UBAC2: variants seen among roughly 807,000 people sequenced by gnomAD.
UBAC2 encodes ubiquitin-associated domain-containing protein 2.
UBAC2 carries 26 observed loss-of-function variants against 44.0 expected under a neutral mutation model. The ratio of observed to expected loss-of-function variants is 0.59; its 90% CI spans 0.43 to 0.82. The LOEUF is 0.82. Ranked by LOEUF, UBAC2 falls within the 40% of genes least tolerant of loss-of-function variation. The pLI, the probability that UBAC2 is intolerant of heterozygous loss-of-function variation, is 0.00. For missense variants in UBAC2, 329 were observed against 419.4 expected (o/e 0.78, Z 1.88); for synonymous variants, 155 against 154.3 (o/e 1.00, Z -0.04).
intron 8 of UBAC2, among the ~76,000 whole-genome samples, chr13:99,368,890 C>A (rs1336603534): frequency 6.6e-6 from 1 of 152,024 alleles, no homozygotes; most frequent in African/African-American, 2.4e-5. Flanking sequence ...AGGGAACGTA[C>A]AGGATAGCCC....
Position 99,314,308 on chromosome 13 carries a change from A to C in UBAC2, c.513+88A>C, listed in dbSNP as rs1017640062. 9 of 1,422,268 alleles carry C rather than the reference A, an allele frequency of 6.3e-6. No individual in the cohort carries two copies. The African/African-American group carries it at 1.4e-4, about 22-fold the overall frequency. 88.1% of individuals were successfully genotyped at this position (1,422,268 alleles called of 1,614,324 possible). A position where few individuals can be genotyped will look rare whatever the true frequency, so the allele number is the denominator to read the frequency against. On this transcript the variant is annotated intron_variant, in intron 5 of 8. Transcript: ENST00000403766. The stretch of plus-strand genomic sequence containing the variant: ...TCTTTTTCTCATTTGATCTCCTTGA[A>C]AACAATGGTTTTTTTCCCCCCATAA...
intron 6 of UBAC2, among the ~76,000 whole-genome samples, chr13:99,331,776 CT>C (rs749818477): frequency 6.6e-6 from 1 of 152,204 alleles, no homozygotes; most frequent in Non-Finnish European, 1.5e-5. Flanking sequence ...ACAAAGTTCC[CT>C]TATGCTTTCT....
chr13:99,255,721 G>A, intron 4 of UBAC2: 4 of 1,613,968 alleles, frequency 2.5e-6, no homozygotes, highest in Non-Finnish European at 1.7e-6. Context: ...TCTCTTCTTG[G>A]TGGTACAACT....
At chr13:99,314,323 T>G in intron 5 of UBAC2, 103 bp downstream of exon 5, 1 of 1,353,732 alleles carries the variant, frequency 7.4e-7, no homozygotes. Flanking sequence ...ATGGTTTTTT[T>G]CCCCCCATAA....
At chr13:99,259,790 T>G (rs989140294) in intron 4 of UBAC2, among the ~76,000 whole-genome samples, 2 of 152,254 alleles carry the variant, frequency 1.3e-5, no homozygotes, top group Admixed American at 1.3e-4. Context: ...AATTAAGTAT[T>G]GATTAGCTTC....
At chr13:99,329,863 A>G (rs563293417) in intron 6 of UBAC2, among the ~76,000 whole-genome samples, 1 of 152,330 alleles carries the variant, frequency 6.6e-6, no homozygotes, top group Non-Finnish European at 1.5e-5. Flanking sequence ...CTGCCCCCAC[A>G]GAAATTGGAT....
At chr13:99,380,119 C>T (rs796209225) in intron 8 of UBAC2, among the ~76,000 whole-genome samples, 6 of 152,256 alleles carry the variant, frequency 3.9e-5, no homozygotes, top group African/African-American at 1.4e-4. Flanking sequence ...TTGACTGCAG[C>T]CCATCACATG....
intron 8 of UBAC2, among the ~76,000 whole-genome samples, chr13:99,375,638 C>T (rs1347164550): frequency 2.6e-5 from 4 of 152,312 alleles, no homozygotes; most frequent in South Asian, 4.1e-4. Flanking sequence ...AAGAAAACCA[C>T]ACTCTAGTTT....
intron 1 of UBAC2, among the ~76,000 whole-genome samples, chr13:99,205,418 C>T (rs764295873): frequency 5.3e-5 from 8 of 152,098 alleles, no homozygotes; most frequent in African/African-American, 1.7e-4. Flanking sequence ...GGTTGTCAAA[C>T]GCTGCTCCTG....
chr13:99,244,732 A>C, intron 4 of UBAC2, 108 bp downstream of exon 4: 1 of 601,268 alleles, frequency 1.7e-6, no homozygotes, highest in Non-Finnish European at 2.7e-6. Context: ...ACTTCTAGAT[A>C]TAGTTAAATT....
At position 99,240,496 on chromosome 13, in the gene UBAC2, A is replaced by G. The variant is rs1420198201; in HGVS notation, c.159+1942A>G. On this transcript the variant is annotated intron_variant, in intron 2 of 8. Coordinates refer to ENST00000403766, the MANE Select transcript of UBAC2 (RefSeq NM_001144072.2). ...CTCAGAGCTTATCCCTGAGTAGAGT[A>G]TTTTCATTGTAATATTAAATGTGGG... Among the ~76,000 whole-genome samples, 4 of 152,196 alleles carry G rather than the reference A, an allele frequency of 2.6e-5. No individual in the cohort carries two copies. The East Asian group carries it at 7.7e-4, about 29-fold the overall frequency.
intron 4 of UBAC2, chr13:99,294,390 G>C (rs530054637): frequency 6.6e-6 from 1 of 152,294 alleles, no homozygotes; most frequent in African/African-American, 2.4e-5. Flanking sequence ...GACTGTGCTG[G>C]CAGCTCCAGG....
intron 4 of UBAC2, among the ~76,000 whole-genome samples, chr13:99,273,166 T>C (rs2138669250): frequency 6.6e-6 from 1 of 152,344 alleles, no homozygotes; most frequent in Non-Finnish European, 1.5e-5. Context: ...ATTTTATAAC[T>C]TGAGGTTCAT....
At chr13:99,325,704 C>T (rs1456635506) in intron 6 of UBAC2, among the ~76,000 whole-genome samples, 1 of 152,090 alleles carries the variant, frequency 6.6e-6, no homozygotes, top group Non-Finnish European at 1.5e-5. Flanking sequence ...TCCCTCTGCC[C>T]CCAGCCCCTA....
At chr13:99,366,542 G>C (rs1488485731) in intron 7 of UBAC2, among the ~76,000 whole-genome samples, 2 of 152,118 alleles carry the variant, frequency 1.3e-5, no homozygotes, top group African/African-American at 4.8e-5. Flanking sequence ...AGTATAACTT[G>C]AACCCCAAAT....
chr13:99,349,248 C>T (rs894732401), intron 7 of UBAC2, among the ~76,000 whole-genome samples: 1 of 152,220 alleles, frequency 6.6e-6, no homozygotes, highest in African/African-American at 2.4e-5. Flanking sequence ...AGCAAAGAAG[C>T]TCTGTGTGCT....
At chr13:99,379,397 A>AT (rs1404165821) in intron 8 of UBAC2, among the ~76,000 whole-genome samples, 1 of 152,222 alleles carries the variant, frequency 6.6e-6, no homozygotes, top group African/African-American at 2.4e-5. Flanking sequence ...TCACCAATGA[A>AT]TTTCTTTGCT....
Position 99,384,315 on chromosome 13 carries a change from T to C in UBAC2, c.928-913T>C, listed in dbSNP as rs984318466. Among the ~76,000 whole-genome samples the C allele has an allele frequency of 3.4e-5, 5 of 146,104 alleles. No homozygotes were observed. The Admixed American group carries it at 3.4e-4, about 10-fold the overall frequency. ...ATGAGGTGTTACTGCAAGTGCAGTT[T>C]ATTTTAATATAAGTACAAAAAAAAT... On this transcript the variant is annotated intron_variant, in intron 8 of 8. Coordinates refer to ENST00000403766, the MANE Select transcript of UBAC2 (RefSeq NM_001144072.2).
intron 1 of UBAC2, chr13:99,201,645 G>T (rs2042801858): frequency 3.9e-6 from 6 of 1,520,056 alleles, no homozygotes; most frequent in Non-Finnish European, 5.4e-6. Flanking sequence ...CGGTAAGGTA[G>T]ACTGCGTGTT....
Sources: gnomAD v4.1 joint callset for allele counts (sites outside exome capture counted in the v4.1 genomes callset) on GRCh38, gnomAD v4.1.1 for gene constraint, MANE v1.5 for transcripts, NCBI Gene and HGNC (gene_info 2026-07-23, HGNC 2026-07-21) for gene names.